BLTP3B: variants seen among roughly 807,000 people sequenced by gnomAD.
BLTP3B encodes bridge-like lipid transfer protein family member 3B, also known as UHRF1 (ICBP90) binding protein 1-like.
At chr12:100,098,364 T>C in the BLTP3B span, 4 of 1,602,070 alleles carry the variant, frequency 2.5e-6, no homozygotes, top group Non-Finnish European at 3.4e-6. Context: ...CTCCTCTCTG[T>C]GGATCCTGAA....
chr12:100,058,566 T>G, the BLTP3B span: 1 of 1,612,502 alleles, frequency 6.2e-7, no homozygotes, highest in Non-Finnish European at 8.5e-7. Flanking sequence ...AGACAAAAAA[T>G]CCCCATTTTC....
chr12:100,049,248 T>G, the BLTP3B span, among the ~76,000 whole-genome samples: 1 of 152,134 alleles, frequency 6.6e-6, no homozygotes, highest in Non-Finnish European at 1.5e-5. Context: ...ATATAACCTT[T>G]AAGATAAAAA....
chr12:100,066,712 G>A, the BLTP3B span, among the ~76,000 whole-genome samples: 1 of 151,628 alleles, frequency 6.6e-6, no homozygotes, highest in East Asian at 1.9e-4. Flanking sequence ...GCTGAAGCAG[G>A]AGAATGGCGT....
the BLTP3B span, among the ~76,000 whole-genome samples, chr12:100,135,817 A>G: frequency 3.9e-5 from 6 of 152,202 alleles, no homozygotes; most frequent in Non-Finnish European, 8.8e-5. Flanking sequence ...CCCCAGCAGT[A>G]TGGTACAATA....
the BLTP3B span, among the ~76,000 whole-genome samples, chr12:100,133,167 G>A: frequency 2.6e-4 from 40 of 151,562 alleles, no homozygotes; most frequent in Non-Finnish European, 4.0e-4. Context: ...GCATGAACCC[G>A]GGAGGCGGAG....
At chr12:100,094,275 G>A in the BLTP3B span, among the ~76,000 whole-genome samples, 2 of 152,044 alleles carry the variant, frequency 1.3e-5, no homozygotes, top group Non-Finnish European at 2.9e-5. Context: ...CCACACTTGG[G>A]TGATTTTTAA....
chr12:100,109,206 CTCT>C, the BLTP3B span, among the ~76,000 whole-genome samples: 3 of 140,030 alleles, frequency 2.1e-5, no homozygotes, highest in Non-Finnish European at 4.6e-5. Context: ...CTCTCTCTCT[CTCT>C]CTCTCCTGCC....
chr12:100,050,956 A>G, the BLTP3B span: 1 of 1,329,272 alleles, frequency 7.5e-7, no homozygotes, highest in Non-Finnish European at 1.0e-6. Flanking sequence ...AAAGCTGCAA[A>G]TTGAATTGCC....
At chr12:100,121,701 C>T in the BLTP3B span, among the ~76,000 whole-genome samples, 1 of 151,814 alleles carries the variant, frequency 6.6e-6, no homozygotes, top group Admixed American at 6.6e-5. Flanking sequence ...TGGTGGCGCC[C>T]GCCTATAAGC....
At chr12:100,039,779 C>T in the BLTP3B span, 1 of 1,611,688 alleles carries the variant, frequency 6.2e-7, no homozygotes, top group African/African-American at 1.3e-5. Flanking sequence ...CAGTGTTAAG[C>T]ATGTGAGAAT....
the BLTP3B span, among the ~76,000 whole-genome samples, chr12:100,053,144 C>T: frequency 6.6e-6 from 1 of 151,922 alleles, no homozygotes; most frequent in African/African-American, 2.4e-5. Flanking sequence ...GTGGCTCACA[C>T]CTATAATCCC....
chr12:100,123,261 C>G, the BLTP3B span, among the ~76,000 whole-genome samples: 1 of 152,146 alleles, frequency 6.6e-6, no homozygotes, highest in Non-Finnish European at 1.5e-5. Flanking sequence ...AGAGAACAGA[C>G]AGACAAAGAT....
the BLTP3B span, among the ~76,000 whole-genome samples, chr12:100,079,823 C>G: frequency 1.1e-4 from 17 of 152,338 alleles, no homozygotes; most frequent in Middle Eastern, 3.4e-3. Context: ...CCCAGGCTCC[C>G]TGTGCTATGT....
the BLTP3B span, chr12:100,048,262 G>GT: frequency 2.7e-6 from 4 of 1,474,744 alleles, no homozygotes; most frequent in African/African-American, 5.6e-5. Context: ...TATGTGCCAT[G>GT]TAGTACATTA....
chr12:100,062,638 C>T, the BLTP3B span, among the ~76,000 whole-genome samples: 2 of 152,028 alleles, frequency 1.3e-5, no homozygotes, highest in Non-Finnish European at 2.9e-5. Context: ...ATTATAATTC[C>T]TTTGGTACAT....
At chr12:100,045,168 T>A in the BLTP3B span, among the ~76,000 whole-genome samples, 1 of 152,164 alleles carries the variant, frequency 6.6e-6, no homozygotes. Context: ...AAAATGGCCA[T>A]ACTGCCCAAG....
At chr12:100,111,834 G>T in the BLTP3B span, among the ~76,000 whole-genome samples, 3 of 151,988 alleles carry the variant, frequency 2.0e-5, no homozygotes, top group Non-Finnish European at 4.4e-5. Flanking sequence ...TCTAACTCCC[G>T]ACCTTGTGAT....
chr12:100,086,785 C>T, the BLTP3B span, among the ~76,000 whole-genome samples: 1 of 152,170 alleles, frequency 6.6e-6, no homozygotes, highest in Admixed American at 6.5e-5. Context: ...AGGCCAAGGA[C>T]ATACAGCTAG....
chr12:100,093,894 G>A, the BLTP3B span, among the ~76,000 whole-genome samples: 2 of 151,982 alleles, frequency 1.3e-5, no homozygotes, highest in South Asian at 4.2e-4. Context: ...CTATATTTCT[G>A]CAGATTCTAT....
Sources: allele counts gnomAD v4.1 joint callset (sites outside exome capture counted in the v4.1 genomes callset), GRCh38; gene constraint gnomAD v4.1.1; transcripts MANE v1.5; gene names NCBI Gene and HGNC (gene_info 2026-07-23, HGNC 2026-07-21).